PIK3AP1: variants seen among roughly 807,000 people sequenced by gnomAD.
PIK3AP1 encodes phosphoinositide-3-kinase adaptor protein 1.
Under a neutral mutation model 88.1 loss-of-function variants are expected in PIK3AP1, and 21 were observed. The ratio of observed to expected loss-of-function variants is 0.24; its 90% CI spans 0.17 to 0.34. The LOEUF (loss-of-function observed/expected upper bound fraction) is 0.34. Among genes scored for constraint, PIK3AP1 ranks in the 10% least tolerant of loss-of-function variants. The probability of loss-of-function intolerance (pLI) is 1.00; values close to 1 mark genes in which losing one functional copy is unlikely to be tolerated. For synonymous variants in PIK3AP1, 398 were observed against 400.0 expected, an observed-to-expected ratio of 1.00 and a Z score of 0.06; for missense variants, 828 against 1,035.7, an observed-to-expected ratio of 0.80 and a Z score of 2.75.
At position 96,604,085 on chromosome 10, in the gene PIK3AP1, T is replaced by C. The variant is rs201205573; in HGVS notation, c.2171-36A>G. Reference sequence around the variant, plus strand: ...GAAAGAAAATCAGCCGGATTGAGGATTCTTTCAGGCTAAAATAAAATAGAG... The same window carrying C: ...GAAAGAAAATCAGCCGGATTGAGGACTCTTTCAGGCTAAAATAAAATAGAG... On this transcript the variant is annotated intron_variant, in intron 14 of 16. Coordinates refer to ENST00000339364, the MANE Select transcript of PIK3AP1 (RefSeq NM_152309.3). 3.2e-5 allele frequency: 47 copies of C among 1,470,518 alleles called. No homozygotes were observed. The East Asian group carries it at 1.0e-3, about 33-fold the overall frequency. The allele number at this position is 1,470,518 out of a possible 1,614,324, so 91.1% of individuals were successfully genotyped here.
At chr10:96,659,711 A>C (rs1411606341) in intron 2 of PIK3AP1, among the ~76,000 whole-genome samples, 2 of 151,942 alleles carry the variant, frequency 1.3e-5, no homozygotes, top group African/African-American at 2.4e-5. Context: ...AAAAAAAAAA[A>C]AAACAAAATG....
At chr10:96,608,371 G>T (rs1849039380) in intron 14 of PIK3AP1, among the ~76,000 whole-genome samples, 1 of 152,156 alleles carries the variant, frequency 6.6e-6, no homozygotes, top group South Asian at 2.1e-4. Flanking sequence ...TTCTCAAATT[G>T]CCCCCAGTGG....
chr10:96,637,861 ACTC>A (rs1261014611), intron 8 of PIK3AP1, among the ~76,000 whole-genome samples: 6 of 152,042 alleles, frequency 3.9e-5, no homozygotes, highest in Non-Finnish European at 8.8e-5. Context: ...ACACTCTTCT[ACTC>A]CTGGTTGGAC....
chr10:96,710,033 G>T (rs749964059), intron 1 of PIK3AP1, 50 bp from the exon 2 acceptor site: 1 of 1,518,744 alleles, frequency 6.6e-7, no homozygotes, highest in South Asian at 1.3e-5. Flanking sequence ...CCCCTTCTAG[G>T]TGGCTCCCCA....
rs568946549 is a variant in PIK3AP1, at chr10:96,706,135, C to T, written c.430+3432G>A. Among the ~76,000 whole-genome samples the T allele has an allele frequency of 1.8e-3, 276 of 152,056 alleles. 2 individuals carry two copies. The highest frequency in any genetic ancestry group is 6.3e-3 in the African/African-American group (263 of 41,492). ...GTCTCAAACTCCTGACCTCGTGATC[C>T]GCCCGCCTCGGCCTCCCAAAGGGCT... On this transcript the variant is annotated intron_variant, in intron 2 of 16. Coordinates refer to ENST00000339364, the MANE Select transcript of PIK3AP1 (RefSeq NM_152309.3).
intron 2 of PIK3AP1, among the ~76,000 whole-genome samples, chr10:96,660,091 T>C (rs565107348): frequency 6.6e-6 from 1 of 152,174 alleles, no homozygotes; most frequent in East Asian, 1.9e-4. Flanking sequence ...TTCATTCCCA[T>C]AAAAACTTAA....
Position 96,636,754 on chromosome 10 carries a change from C to T in PIK3AP1, c.1376-8261G>A, listed in dbSNP as rs139279360. ...AAGGAGACTCTGGGGCCACAGCCTC[C>T]TTCTGGAAAAGCCAGCTATAGAGTC... On this transcript the variant is annotated intron_variant, in intron 8 of 16. Coordinates refer to ENST00000339364, the MANE Select transcript of PIK3AP1 (RefSeq NM_152309.3). 3.9e-5 allele frequency among the ~76,000 whole-genome samples: 6 copies of T among 152,332 alleles called. 1 individual carries two copies. The East Asian group carries it at 1.2e-3, about 29-fold the overall frequency.
intron 2 of PIK3AP1, among the ~76,000 whole-genome samples, chr10:96,693,814 T>C (rs184273817): frequency 6.6e-5 from 10 of 152,372 alleles, no homozygotes; most frequent in Admixed American, 5.2e-4. Flanking sequence ...CATATTAATA[T>C]ATGCACATCA....
chr10:96,688,989 T>C (rs1407522745), intron 2 of PIK3AP1, among the ~76,000 whole-genome samples: 1 of 152,034 alleles, frequency 6.6e-6, no homozygotes, highest in Non-Finnish European at 1.5e-5. Flanking sequence ...ACCATTTCCA[T>C]AGTTTCTCCA....
chr10:96,677,605 A>G (rs1447262049), intron 2 of PIK3AP1, among the ~76,000 whole-genome samples: 2 of 151,706 alleles, frequency 1.3e-5, no homozygotes, highest in African/African-American at 4.8e-5. Context: ...ACACACACAC[A>G]CACACACACA....
intron 3 of PIK3AP1, 81 bp from the exon 4 acceptor site, chr10:96,652,923 CTT>C (rs1468707959): frequency 5.4e-6 from 8 of 1,469,866 alleles, no homozygotes; most frequent in Non-Finnish European, 7.4e-6. Context: ...CCCCAGCTCT[CTT>C]GCCCTAGCTC....
chr10:96,697,814 C>T (rs1199958065), intron 2 of PIK3AP1, among the ~76,000 whole-genome samples: 2 of 152,308 alleles, frequency 1.3e-5, no homozygotes, highest in South Asian at 2.1e-4. Flanking sequence ...AAATGTCCTC[C>T]ATCCACCCAA....
intron 7 of PIK3AP1, among the ~76,000 whole-genome samples, chr10:96,646,364 G>GT (rs1843460491): frequency 6.6e-6 from 1 of 151,998 alleles, no homozygotes; most frequent in Non-Finnish European, 1.5e-5. Context: ...TACTGCTTGA[G>GT]AAAGGTATAA....
intron 2 of PIK3AP1, among the ~76,000 whole-genome samples, chr10:96,673,467 A>C: frequency 6.6e-6 from 1 of 152,158 alleles, no homozygotes. Flanking sequence ...AGGAAACCCC[A>C]GTGTTGCTAA....
At chr10:96,695,998 G>A (rs1364872221) in intron 2 of PIK3AP1, among the ~76,000 whole-genome samples, 2 of 152,162 alleles carry the variant, frequency 1.3e-5, no homozygotes, top group Admixed American at 6.6e-5. Flanking sequence ...AGACAAATTT[G>A]CTCCATGGAA....
At chr10:96,678,741 A>G (rs1021427580) in intron 2 of PIK3AP1, among the ~76,000 whole-genome samples, 4 of 152,244 alleles carry the variant, frequency 2.6e-5, no homozygotes, top group African/African-American at 9.6e-5. Flanking sequence ...CACTGCCTCA[A>G]CACCTTCCTC....
At chr10:96,622,989 C>G (rs1474554692) in intron 11 of PIK3AP1, among the ~76,000 whole-genome samples, 10 of 152,140 alleles carry the variant, frequency 6.6e-5, no homozygotes, top group Non-Finnish European at 1.5e-4. Context: ...AGTGCTGGGC[C>G]ACCTACTTTC....
chr10:96,635,212 G>A (rs1198241105), intron 8 of PIK3AP1, among the ~76,000 whole-genome samples: 2 of 152,128 alleles, frequency 1.3e-5, no homozygotes, highest in Non-Finnish European at 2.9e-5. Flanking sequence ...TCCCAAGAGG[G>A]ACCCAAGCAT....
At chr10:96,705,935 T>G (rs1459247572) in intron 2 of PIK3AP1, among the ~76,000 whole-genome samples, 1 of 119,956 alleles carries the variant, frequency 8.3e-6, no homozygotes, top group African/African-American at 3.3e-5. Context: ...GATCTGTCAC[T>G]CAGGCTGGAG....
Sources: allele counts gnomAD v4.1 joint callset (sites outside exome capture counted in the v4.1 genomes callset), GRCh38; gene constraint gnomAD v4.1.1; transcripts MANE v1.5; gene names NCBI Gene and HGNC (gene_info 2026-07-23, HGNC 2026-07-21).